The following POLE variants were observed in gnomAD, a reference collection of about 807,000 sequenced individuals.
POLE encodes the protein DNA polymerase epsilon, catalytic subunit, also known as DNA polymerase epsilon catalytic subunit A.
In POLE, 188 loss-of-function variants were observed where a neutral mutation model predicts 279.2. The observed-to-expected ratio is 0.67, with a 90% CI of 0.60 to 0.76. The LOEUF is 0.76. Ranked by LOEUF, POLE falls within the 30% of genes least tolerant of loss-of-function variation. The pLI is 0.00. For missense variants in POLE, 2,703 were observed against 3,016.7 expected (o/e 0.90, Z 2.44); for synonymous variants, 1,214 against 1,172.5 (o/e 1.04, Z -0.72).
intron 20 of POLE, among the ~76,000 whole-genome samples, chr12:132,667,172 G>A (rs938064217): frequency 1.3e-5 from 2 of 152,130 alleles, no homozygotes; most frequent in Non-Finnish European, 2.9e-5. Flanking sequence ...CCATGACAGC[G>A]GGAAAGAGAT....
intron 20 of POLE, among the ~76,000 whole-genome samples, chr12:132,666,355 G>C (rs1001325195): frequency 2.6e-5 from 4 of 152,226 alleles, no homozygotes; most frequent in African/African-American, 9.7e-5. Context: ...TGGGAGGCTG[G>C]GGTGGATAGA....
chr12:132,657,016 A>T, intron 29 of POLE, 120 bp downstream of exon 29: 3 of 1,097,750 alleles, frequency 2.7e-6, no homozygotes, highest in Non-Finnish European at 4.0e-6. Context: ...TTTTCAGAAA[A>T]AGTCCATTTT....
chr12:132,672,211 T>G lies in POLE; in HGVS notation c.1794+4A>C, dbSNP rs1555228110. The G allele has an allele frequency of 6.2e-7, 1 of 1,606,536 alleles. No homozygotes were observed. The highest frequency in any genetic ancestry group is 8.5e-7 in the Non-Finnish European group (1 of 1,173,046). On this transcript the variant is annotated splice_donor_region_variant and intron_variant, in intron 16 of 48. Coordinates refer to ENST00000320574, the MANE Select transcript of POLE (RefSeq NM_006231.4). The stretch of plus-strand genomic sequence containing the variant: ...CTGGCTCTTCCTGCCTCCCTGATGG[T>G]TACCTCTTCAAAGTTGGTGACTTGC...
At chr12:132,626,845 C>T (rs192470439) in intron 45 of POLE, among the ~76,000 whole-genome samples, 1 of 152,336 alleles carries the variant, frequency 6.6e-6, no homozygotes, top group East Asian at 1.9e-4. Flanking sequence ...TGAATACAAG[C>T]GTATCTTGGA....
In POLE at chr12:132,661,794, C is replaced by G; in HGVS notation, c.2707-110G>C. 5 of 1,067,634 alleles carry G rather than the reference C, an allele frequency of 4.7e-6. No homozygotes were observed. The highest frequency in any genetic ancestry group is 6.8e-6 in the Non-Finnish European group (5 of 732,804). The allele number at this position is 1,067,634 out of a possible 1,614,324, so 66.1% of individuals were successfully genotyped here. ...GGATTGACAAACCGAGGCTTTTCCA[C>G]ATAACTAACACGACTTGGCAGCAGG... On this transcript the variant is annotated intron_variant, in intron 23 of 48. Transcript: ENST00000320574. This position sits in a 1 kb window ranked among gnomAD's most constrained non-coding sequence, Gnocchi z 4.1.
In POLE at chr12:132,661,210, G is replaced by A. The variant is rs1175518655; in HGVS notation, c.2865-46C>T. 6.6e-7 allele frequency: 1 copy of A among 1,515,902 alleles called. No homozygotes were observed. The highest frequency in any genetic ancestry group is 8.9e-7 in the Non-Finnish European group (1 of 1,126,134). 93.9% of individuals were successfully genotyped at this position (1,515,902 alleles called of 1,614,324 possible). ...AAGCACAGCAGTGGCAAGGAGCGCT[G>A]GGGAGCCACCAGCTGTGCCTCATCC... On this transcript the variant is annotated intron_variant, in intron 24 of 48. Coordinates refer to ENST00000320574, the MANE Select transcript of POLE (RefSeq NM_006231.4). The surrounding 1 kb of genome is among the most constrained non-coding windows in gnomAD (Gnocchi z 4.1).
In POLE at chr12:132,659,312, GC is replaced by G; in HGVS notation, c.3257del (p.Gly1086AlafsTer20). On this transcript the variant is annotated frameshift_variant, in exon 26 of 49. Coordinates refer to ENST00000320574, the MANE Select transcript of POLE (RefSeq NM_006231.4). LOFTEE classifies it high-confidence loss of function. ...CRYIISRKPE[G>X]SPVTERAIPL... ...GCCCTCACCTCTCCGTGACAGGGGA[GC>G]CCTCGGGCTTGCGGGAGATGATGTA... 1 of 1,611,778 alleles carries G rather than the reference GC, an allele frequency of 6.2e-7. No homozygotes were observed. Among genetic ancestry groups the G allele is most frequent in the Non-Finnish European group, 8.5e-7 (1 of 1,179,960 alleles).
intron 29 of POLE, among the ~76,000 whole-genome samples, chr12:132,654,046 T>C (rs887734110): frequency 1.3e-5 from 2 of 152,242 alleles, no homozygotes; most frequent in Non-Finnish European, 2.9e-5. Context: ...CATATTGTTA[T>C]TGTTCATGTA....
At position 132,676,724 on chromosome 12, in the gene POLE, A is replaced by G. The variant is rs5744757; in HGVS notation, c.802-71T>C. The G allele has an allele frequency of 0.53, 487,541 of 915,568 alleles. 132,324 individuals carry two copies. The highest frequency in any genetic ancestry group is 0.57 in the Non-Finnish European group (320,921 of 559,116). 56.7% of individuals were successfully genotyped at this position (915,568 alleles called of 1,614,324 possible). A position where few individuals can be genotyped will look rare whatever the true frequency, so the allele number is the denominator to read the frequency against. On this transcript the variant is annotated intron_variant, in intron 8 of 48. Transcript: ENST00000320574. ...TAGGCCTCCCTGAACACCCACCCCCAGCCTGCTCTACCTCCCTCTGGTTGT... is the reference window on the plus strand; with the variant it reads ...TAGGCCTCCCTGAACACCCACCCCCGGCCTGCTCTACCTCCCTCTGGTTGT...
intron 21 of POLE, 101 bp downstream of exon 21, chr12:132,665,201 A>G (rs1324852343): frequency 8.0e-7 from 1 of 1,244,508 alleles, no homozygotes; most frequent in African/African-American, 1.5e-5. Context: ...CTTGAATCAG[A>G]TGAACGGCCC....
chr12:132,648,784 A>G (rs573490236), intron 32 of POLE, 145 bp downstream of exon 32: 4 of 854,570 alleles, frequency 4.7e-6, no homozygotes, highest in African/African-American at 1.7e-5. Context: ...CTCGGTGCTC[A>G]GCGCTCACAC....
At position 132,632,459 on chromosome 12, in the gene POLE, GCT is replaced by G; in HGVS notation, c.6184_6185del (p.Ser2062LeufsTer20). 6.2e-7 allele frequency: 1 copy of G among 1,614,090 alleles called. No individual in the cohort carries two copies. Among genetic ancestry groups the G allele is most frequent in the African/African-American group, 1.3e-5 (1 of 75,054 alleles). ...QDYVANELTQ[S>X]FFTITQKIQK... ...GAATCTTCTGAGTGATGGTGAAGAA[GCT>G]CTGAGTGAGCTCATTTGCGACATAA... On this transcript the variant is annotated frameshift_variant, in exon 45 of 49. Coordinates refer to ENST00000320574, the MANE Select transcript of POLE (RefSeq NM_006231.4). LOFTEE classifies it high-confidence loss of function.
At chr12:132,632,211 C>T (rs750267353) in intron 45 of POLE, 104 bp downstream of exon 45, 88 of 862,870 alleles carry the variant, frequency 1.0e-4, no homozygotes, top group Non-Finnish European at 1.4e-4. Flanking sequence ...TACGCTAGCA[C>T]GTTCATGGTG....
intron 20 of POLE, among the ~76,000 whole-genome samples, chr12:132,666,280 G>A (rs1404704889): frequency 6.6e-6 from 1 of 152,230 alleles, no homozygotes; most frequent in East Asian, 1.9e-4. Context: ...GCTGTATGTT[G>A]ATAAACCTTG....
Position 132,642,929 on chromosome 12 carries a change from T to C in POLE, c.4619A>G (p.Lys1540Arg), listed in dbSNP as rs2138541614. 6.2e-7 allele frequency: 1 copy of C among 1,612,424 alleles called. No homozygotes were observed. Among genetic ancestry groups the C allele is most frequent in the Non-Finnish European group, 8.5e-7 (1 of 1,179,510 alleles). Residue 1540 changes from lysine (K) to arginine (R), a missense_variant, in exon 36 of 49, where the codon AAG becomes AGG. Physicochemically the swap from Lys to Arg is conservative, Grantham distance 26. Coordinates refer to ENST00000320574, the MANE Select transcript of POLE (RefSeq NM_006231.4). ...YSAEHGLLLE[K>R]VGPELLPPPK... ...GGGTGGCAGGAGCTCAGGGCCCACC[T>C]TCTCCAGGAGGAGGCCGTGCTCTGC...
intron 46 of POLE, 166 bp from the exon 47 acceptor site, chr12:132,625,936 C>T: frequency 8.8e-7 from 1 of 1,137,798 alleles, no homozygotes; most frequent in Non-Finnish European, 1.2e-6. Context: ...TGAGCCCTTC[C>T]TAGGACAACA....
At chr12:132,626,394 G>A in intron 45 of POLE, 77 bp from the exon 46 acceptor site, 1 of 1,394,368 alleles carries the variant, frequency 7.2e-7, no homozygotes, top group Admixed American at 1.8e-5. Context: ...GAACCCTCTG[G>A]ACCTTAGGCT....
rs1382240233 is a variant in POLE, at chr12:132,634,112, A to G, written c.6004+74T>C. The G allele has an allele frequency of 1.5e-6, 2 of 1,330,788 alleles. No individual in the cohort carries two copies. Among genetic ancestry groups the G allele is most frequent in the Non-Finnish European group, 2.1e-6 (2 of 956,212 alleles). The allele number at this position is 1,330,788 out of a possible 1,614,324, so 82.4% of individuals were successfully genotyped here. On this transcript the variant is annotated intron_variant, in intron 43 of 48. Transcript: ENST00000320574. The surrounding 1 kb of genome is among the most constrained non-coding windows in gnomAD (Gnocchi z 4.0). ...TCCCTGTCTCCCTTCTTGCGATACC[A>G]TGGCACAGGAGCCACATCTACTAAC...
rs531134602 is a variant in POLE at position 132,685,081 on chromosome 12, T to C, written c.62+2173A>G. Among the ~76,000 whole-genome samples the C allele has an allele frequency of 3.1e-3, 263 of 86,080 alleles. 12 individuals carry two copies. The highest frequency in any genetic ancestry group is 9.1e-3 in the African/African-American group (236 of 25,880). 56.5% of individuals were successfully genotyped at this position (86,080 alleles called of 152,430 possible). A position where few individuals can be genotyped will look rare whatever the true frequency, so the allele number is the denominator to read the frequency against. ...CAGGCTCTCATTCACAGAGCTACCA[T>C]TGACTGGTTACTATATCACACCGTC... On this transcript the variant is annotated intron_variant, in intron 1 of 48. Transcript: ENST00000320574.
Sources: gnomAD v4.1 joint callset for allele counts (sites outside exome capture counted in the v4.1 genomes callset) on GRCh38, gnomAD v4.1.1 for gene constraint, Gnocchi (gnomAD v3.1) non-coding constraint, MANE v1.5 for transcripts, NCBI Gene and HGNC (gene_info 2026-07-23, HGNC 2026-07-21) for gene names.